SEZ6L: variants seen among roughly 807,000 people sequenced by gnomAD.
SEZ6L encodes seizure 6-like protein.
A neutral mutation model predicts 106.2 loss-of-function variants in SEZ6L; 37 were observed. That is an observed-to-expected ratio of 0.35 (90% CI 0.27 to 0.46). SEZ6L has a LOEUF of 0.46. Among genes scored for constraint, SEZ6L ranks in the 20% least tolerant of loss-of-function variants. The probability of loss-of-function intolerance (pLI) is 1.00; values close to 1 mark genes in which losing one functional copy is unlikely to be tolerated. For missense variants in SEZ6L, 1,172 were observed against 1,332.8 expected, an observed-to-expected ratio of 0.88 and a Z score of 1.88; for synonymous variants, 541 against 570.4, an observed-to-expected ratio of 0.95 and a Z score of 0.73.
At position 26,356,642 on chromosome 22, in the gene SEZ6L, A is replaced by AAATAAT. The variant is rs59145201; in HGVS notation, c.2599+5445_2599+5450dup. Reference sequence around the variant, plus strand: ...GGGAGACAGAGCAAGATTCTGTCTCAAATAATAATAATAATAATAATAATA... The same window carrying AAATAAT: ...GGGAGACAGAGCAAGATTCTGTCTCAAATAATAATAATAATAATAATAATAATAATA... On this transcript the variant is annotated intron_variant, in intron 12 of 16. Transcript: ENST00000248933. Among the ~76,000 whole-genome samples, 49 of 142,802 alleles carry AAATAAT rather than the reference A, an allele frequency of 3.4e-4. 1 individual carries two copies. The highest frequency in any genetic ancestry group is 5.0e-4 in the Non-Finnish European group (33 of 66,248). The allele number at this position is 142,802 out of a possible 152,430, so 93.7% of individuals were successfully genotyped here.
In SEZ6L at chr22:26,378,627, G is replaced by A. The variant is rs144482789; in HGVS notation, c.3045+852G>A. Reference sequence around the variant, plus strand: ...GGGGAAGGCATCATTGAGAAAGTGAGAGTAAAGCTGAGACATGGGAAGTGG... The same window carrying A: ...GGGGAAGGCATCATTGAGAAAGTGAAAGTAAAGCTGAGACATGGGAAGTGG... On this transcript the variant is annotated intron_variant, in intron 16 of 16. Coordinates refer to ENST00000248933, the MANE Select transcript of SEZ6L (RefSeq NM_021115.5). Among the ~76,000 whole-genome samples, 1,405 of 152,328 alleles carry A rather than the reference G, an allele frequency of 9.2e-3. 19 individuals carry two copies. Among genetic ancestry groups the A allele is most frequent in the African/African-American group, 0.032 (1,332 of 41,562 alleles).
At chr22:26,309,191 T>C (rs2048232975) in intron 6 of SEZ6L, among the ~76,000 whole-genome samples, 1 of 152,246 alleles carries the variant, frequency 6.6e-6, no homozygotes, top group Admixed American at 6.5e-5. Flanking sequence ...AATTTGTATA[T>C]GGTTTTCTTC....
chr22:26,378,613 C>T (rs1321329437), intron 16 of SEZ6L, among the ~76,000 whole-genome samples: 5 of 152,088 alleles, frequency 3.3e-5, no homozygotes, highest in African/African-American at 9.7e-5. Flanking sequence ...GGGAAGGCAT[C>T]ATTGAGAAAG....
chr22:26,169,661 G>T lies in SEZ6L; in HGVS notation c.-9G>T, dbSNP rs1938431715. The T allele has an allele frequency of 1.6e-6, 2 of 1,234,582 alleles. No homozygotes were observed. The highest frequency in any genetic ancestry group is 1.6e-5 in the African/African-American group (1 of 63,388). The allele number at this position is 1,234,582 out of a possible 1,614,324, so 76.5% of individuals were successfully genotyped here. ...CACAGCCAGCGGCTCCGCGCCCCCT[G>T]CAGCCACGATGCCCGCGGCCCGGCC... is the stretch of plus-strand genomic sequence containing the variant. On this transcript the variant is annotated 5_prime_UTR_variant, in exon 1 of 17. Transcript: ENST00000248933.
At chr22:26,206,298 A>G (rs1602028561) in intron 1 of SEZ6L, among the ~76,000 whole-genome samples, 1 of 151,664 alleles carries the variant, frequency 6.6e-6, no homozygotes, top group East Asian at 1.9e-4. Context: ...CACCTCCTTT[A>G]CCCCCAATTC....
chr22:26,178,976 C>T (rs879612898), intron 1 of SEZ6L, among the ~76,000 whole-genome samples: 3 of 152,056 alleles, frequency 2.0e-5, no homozygotes, highest in African/African-American at 4.8e-5. Flanking sequence ...TCCCCTCCCC[C>T]GACACCAATG....
intron 6 of SEZ6L, among the ~76,000 whole-genome samples, chr22:26,307,715 A>G (rs972173861): frequency 1.3e-5 from 2 of 152,204 alleles, no homozygotes; most frequent in Admixed American, 1.3e-4. Flanking sequence ...AAATCTGGGC[A>G]TGGGAACCCT....
intron 1 of SEZ6L, among the ~76,000 whole-genome samples, chr22:26,246,693 T>G (rs2079360967): frequency 6.6e-6 from 1 of 152,228 alleles, no homozygotes; most frequent in Non-Finnish European, 1.5e-5. Context: ...TTAATTGAAT[T>G]AAATGAGATA....
chr22:26,296,932 C>A lies in SEZ6L; in HGVS notation c.1014C>A (p.Arg338=). 6.2e-7 allele frequency: 1 copy of A among 1,612,784 alleles called. No individual in the cohort carries two copies. The highest frequency in any genetic ancestry group is 8.5e-7 in the Non-Finnish European group (1 of 1,179,324). The change falls in exon 4 of 17, where the codon CGC becomes CGA. Residue 338 remains arginine, a synonymous_variant. Coordinates refer to ENST00000248933, the MANE Select transcript of SEZ6L (RefSeq NM_021115.5). ...CCGATGGGGAACTGCTCTCCATCCG[C>A]GGGGTGGACGGCCCTACCCTGACCG... ...NLSDGELLSI[R]GVDGPTLTVL...
Position 26,302,323 on chromosome 22 carries a change from T to C in SEZ6L, c.1348+3154T>C, listed in dbSNP as rs991479304. On this transcript the variant is annotated intron_variant, in intron 5 of 16. Transcript: ENST00000248933. ...GGGTGACTCATATGCACATTACACC[T>C]GGAGAAGCACTGGTTTGTAACGCAC... Among the ~76,000 whole-genome samples, 3 of 152,272 alleles carry C rather than the reference T, an allele frequency of 2.0e-5. No homozygotes were observed. In the East Asian group the frequency reaches 5.8e-4, roughly 29 times the overall value.
intron 5 of SEZ6L, among the ~76,000 whole-genome samples, chr22:26,300,856 T>C (rs2081432541): frequency 6.6e-6 from 1 of 152,280 alleles, no homozygotes; most frequent in Non-Finnish European, 1.5e-5. Flanking sequence ...TTATATATTC[T>C]GATCACTAGA....
intron 1 of SEZ6L, among the ~76,000 whole-genome samples, chr22:26,265,935 G>C (rs927818138): frequency 2.6e-5 from 4 of 152,200 alleles, no homozygotes; most frequent in African/African-American, 9.7e-5. Flanking sequence ...CCCTGGAGGA[G>C]CTCCCAGTCT....
At chr22:26,340,376 G>C in intron 9 of SEZ6L, 60 bp from the exon 10 acceptor site, 1 of 1,475,032 alleles carries the variant, frequency 6.8e-7, no homozygotes, top group Non-Finnish European at 9.2e-7. Context: ...AGTTAATCAA[G>C]GGTTTATTGA....
intron 1 of SEZ6L, among the ~76,000 whole-genome samples, chr22:26,252,521 A>G (rs2079634018): frequency 6.6e-6 from 1 of 152,216 alleles, no homozygotes; most frequent in Non-Finnish European, 1.5e-5. Flanking sequence ...CTCATCACCC[A>G]GGTACTGAGC....
chr22:26,314,621 G>T (rs1464730992), intron 9 of SEZ6L, among the ~76,000 whole-genome samples: 3 of 152,176 alleles, frequency 2.0e-5, no homozygotes, highest in African/African-American at 7.2e-5. Context: ...TTAATGAACG[G>T]ACTTACTTAG....
At chr22:26,183,627 A>G (rs1305126639) in intron 1 of SEZ6L, among the ~76,000 whole-genome samples, 1 of 152,240 alleles carries the variant, frequency 6.6e-6, no homozygotes, top group African/African-American at 2.4e-5. Context: ...TCACAGAGGC[A>G]GAGGAGAACT....
intron 1 of SEZ6L, among the ~76,000 whole-genome samples, chr22:26,246,110 C>T (rs762140460): frequency 3.3e-5 from 5 of 152,152 alleles, no homozygotes; most frequent in Admixed American, 6.5e-5. Flanking sequence ...GCGAGGTAGT[C>T]CTTAGACATT....
chr22:26,221,067 T>C (rs983890913), intron 1 of SEZ6L, among the ~76,000 whole-genome samples: 5 of 151,780 alleles, frequency 3.3e-5, no homozygotes, highest in Middle Eastern at 3.4e-3. Context: ...AAAGTAGGGA[T>C]GGAGAGAGGG....
At chr22:26,289,773 T>G (rs1244329714) in intron 1 of SEZ6L, among the ~76,000 whole-genome samples, 1 of 152,228 alleles carries the variant, frequency 6.6e-6, no homozygotes, top group African/African-American at 2.4e-5. Context: ...CAACGACTGC[T>G]GAAATAAATT....
Sources: allele counts gnomAD v4.1 joint callset (sites outside exome capture counted in the v4.1 genomes callset), GRCh38; gene constraint gnomAD v4.1.1; transcripts MANE v1.5; gene names NCBI Gene and HGNC (gene_info 2026-07-23, HGNC 2026-07-21).